RTTN: variants seen among roughly 807,000 people sequenced by gnomAD.
RTTN encodes the protein rotatin.
Under a neutral mutation model 269.2 loss-of-function variants are expected in RTTN, and 182 were observed. The ratio of observed to expected loss-of-function variants is 0.68; its 90% CI spans 0.60 to 0.76. The LOEUF is 0.76. Among genes scored for constraint, RTTN ranks in the 30% least tolerant of loss-of-function variants. The pLI is 0.00. For synonymous variants in RTTN, 1,006 were observed against 963.5 expected (o/e 1.04, Z -0.82); for missense variants, 2,545 against 2,608.6 (o/e 0.98, Z 0.53).
chr18:70,190,818 T>C (rs1164138896), intron 8 of RTTN, 99 bp from the exon 9 acceptor site: 1 of 741,356 alleles, frequency 1.3e-6, no homozygotes, highest in Non-Finnish European at 2.2e-6. Context: ...CTCATACAAG[T>C]CACAACTCTA....
intron 40 of RTTN, among the ~76,000 whole-genome samples, chr18:70,033,056 C>T (rs1042384446): frequency 6.6e-6 from 1 of 152,240 alleles, no homozygotes; most frequent in Non-Finnish European, 1.5e-5. Context: ...TGGGGTAGAT[C>T]CTTCATGAAT....
At chr18:70,205,409 A>G in intron 1 of RTTN, 94 bp from the exon 2 acceptor site, 1 of 1,528,274 alleles carries the variant, frequency 6.5e-7, no homozygotes, top group Non-Finnish European at 8.9e-7. Context: ...AGACGGAATA[A>G]ACCAGTTTTT....
intron 43 of RTTN, among the ~76,000 whole-genome samples, chr18:70,025,838 G>T (rs2056838177): frequency 6.6e-6 from 1 of 152,138 alleles, no homozygotes. Context: ...CTTCTTGCCT[G>T]CCAGAGATTG....
chr18:70,125,377 A>C (rs2059839444), intron 25 of RTTN, among the ~76,000 whole-genome samples: 1 of 151,986 alleles, frequency 6.6e-6, no homozygotes, highest in Non-Finnish European at 1.5e-5. Context: ...TGTTTAAATG[A>C]CCTGAGAGGA....
intron 3 of RTTN, among the ~76,000 whole-genome samples, chr18:70,202,844 T>G (rs965015821): frequency 6.6e-6 from 1 of 152,230 alleles, no homozygotes; most frequent in Non-Finnish European, 1.5e-5. Flanking sequence ...ATGTATTCAA[T>G]GCCCACAACA....
chr18:70,193,525 T>C (rs1285361860), intron 7 of RTTN, 72 bp from the exon 8 acceptor site: 6 of 1,106,994 alleles, frequency 5.4e-6, no homozygotes, highest in Non-Finnish European at 5.0e-6. Context: ...TATTTATGTA[T>C]CATTCTTCCA....
intron 9 of RTTN, among the ~76,000 whole-genome samples, chr18:70,188,839 G>A (rs1400825942): frequency 6.8e-6 from 1 of 147,894 alleles, no homozygotes; most frequent in Non-Finnish European, 1.5e-5. Flanking sequence ...TCCTGTGTGA[G>A]ACGAACATTC....
chr18:70,013,657 TTAATA>T (rs1361881500), intron 46 of RTTN, among the ~76,000 whole-genome samples: 5 of 152,318 alleles, frequency 3.3e-5, no homozygotes, highest in South Asian at 2.1e-4. Context: ...GAATATTACC[TTAATA>T]TAATAATTGA....
chr18:70,110,333 G>A lies in RTTN; in HGVS notation c.3684-616C>T, dbSNP rs192365126. ...TCCCGGCAAGATCGACGCAGAAGGC[G>A]GGTGATTTCTGCATTTCCAACTAAG... On this transcript the variant is annotated intron_variant, in intron 27 of 48. Transcript: ENST00000640769. Among the ~76,000 whole-genome samples the A allele has an allele frequency of 5.3e-3, 800 of 152,166 alleles. 7 individuals are homozygous for A. The highest frequency in any genetic ancestry group is 8.5e-3 in the Non-Finnish European group (579 of 67,998).
At chr18:70,195,750 G>GT (rs2146133587) in intron 7 of RTTN, among the ~76,000 whole-genome samples, 1 of 152,278 alleles carries the variant, frequency 6.6e-6, no homozygotes, top group African/African-American at 2.4e-5. Context: ...AATCAACATT[G>GT]TAACTCTTTT....
intron 21 of RTTN, 110 bp from the exon 22 acceptor site, chr18:70,135,390 G>A (rs2060100618): frequency 1.6e-6 from 1 of 630,192 alleles, no homozygotes; most frequent in African/African-American, 2.0e-5. Flanking sequence ...CATAAACCCA[G>A]ATAAGGTGAC....
chr18:70,196,746 C>T, intron 6 of RTTN, 98 bp from the exon 7 acceptor site: 6 of 1,206,200 alleles, frequency 5.0e-6, no homozygotes, highest in Non-Finnish European at 7.0e-6. Flanking sequence ...AGTGAATAAT[C>T]AAGAGAAAAT....
chr18:70,184,839 G>T (rs2061508045), intron 10 of RTTN, among the ~76,000 whole-genome samples: 1 of 148,624 alleles, frequency 6.7e-6, no homozygotes. Context: ...AGCTTACAGT[G>T]ATCCGAGATG....
rs768969597 is a variant in RTTN, at chr18:70,060,068, T to C, written c.4748-26A>G. On this transcript the variant is annotated intron_variant, in intron 35 of 48. Coordinates refer to ENST00000640769, the MANE Select transcript of RTTN (RefSeq NM_173630.4). Reference sequence around the variant, plus strand: ...CTATTATTGAAAATAAACATAAGAATTATTATTTACCTTACAGCTATGTAC... The same window carrying C: ...CTATTATTGAAAATAAACATAAGAACTATTATTTACCTTACAGCTATGTAC... The C allele has an allele frequency of 9.6e-6, 15 of 1,560,722 alleles. No homozygotes were observed. The African/African-American group carries it at 1.9e-4, about 20-fold the overall frequency.
chr18:70,165,933 T>C, intron 14 of RTTN, 129 bp downstream of exon 14: 1 of 803,322 alleles, frequency 1.2e-6, no homozygotes, highest in Non-Finnish European at 1.8e-6. Context: ...CTAGTAATTA[T>C]CATCTACTTT....
At chr18:70,093,614 G>C (rs943210056) in intron 28 of RTTN, among the ~76,000 whole-genome samples, 4 of 152,118 alleles carry the variant, frequency 2.6e-5, no homozygotes, top group African/African-American at 9.7e-5. Flanking sequence ...TTATTGATTT[G>C]CATATGTTGA....
intron 17 of RTTN, among the ~76,000 whole-genome samples, chr18:70,148,414 T>C (rs12967013): frequency 0.95 from 144,935 of 152,222 alleles, 69,302 homozygotes; most frequent in East Asian, 1. Context: ...AGAAAGGATA[T>C]GTTTTCAGTT....
chr18:70,111,344 C>T (rs893240220), intron 27 of RTTN, among the ~76,000 whole-genome samples: 1 of 152,166 alleles, frequency 6.6e-6, no homozygotes, highest in African/African-American at 2.4e-5. Context: ...CCCTCTGGAA[C>T]GAAGCTTCCA....
At chr18:70,146,061 A>AT (rs1240221502) in intron 17 of RTTN, among the ~76,000 whole-genome samples, 11 of 152,228 alleles carry the variant, frequency 7.2e-5, no homozygotes, top group African/African-American at 2.7e-4. Flanking sequence ...GTAAACTTCA[A>AT]TAAGTACATC....
Sources: gnomAD v4.1 joint callset for allele counts (sites outside exome capture counted in the v4.1 genomes callset) on GRCh38, gnomAD v4.1.1 for gene constraint, MANE v1.5 for transcripts, NCBI Gene and HGNC (gene_info 2026-07-23, HGNC 2026-07-21) for gene names.